The following PRICKLE1 variants were observed in gnomAD, a reference collection of about 807,000 sequenced individuals.
PRICKLE1 encodes the protein prickle-like protein 1.
Under a neutral mutation model 70.2 loss-of-function variants are expected in PRICKLE1, and 14 were observed. The observed-to-expected ratio is 0.20, with a 90% CI of 0.13 to 0.31. PRICKLE1 has a LOEUF of 0.31. Ranked by LOEUF, PRICKLE1 falls within the 10% of genes least tolerant of loss-of-function variation. The pLI is 1.00. For missense variants in PRICKLE1, 821 were observed against 1,026.2 expected, an observed-to-expected ratio of 0.80 and a Z score of 2.73; for synonymous variants, 357 against 379.9, an observed-to-expected ratio of 0.94 and a Z score of 0.70.
chr12:42,493,002 C>T (rs955448948), intron 1 of PRICKLE1, among the ~76,000 whole-genome samples: 6 of 152,062 alleles, frequency 3.9e-5, no homozygotes, highest in African/African-American at 9.7e-5. Context: ...CAGAATCTTG[C>T]GCATACTAAG....
At chr12:42,491,048 T>C (rs1362161428) in intron 1 of PRICKLE1, among the ~76,000 whole-genome samples, 2 of 150,976 alleles carry the variant, frequency 1.3e-5, no homozygotes, top group Admixed American at 1.3e-4. Flanking sequence ...CTACTTTTTC[T>C]ATCTTTAGGA....
At chr12:42,582,725 G>A (rs1940924030) in intron 1 of PRICKLE1, among the ~76,000 whole-genome samples, 1 of 152,134 alleles carries the variant, frequency 6.6e-6, no homozygotes, top group African/African-American at 2.4e-5. Context: ...ACGGACCGTG[G>A]GCCACATGCA....
rs568438224 is a variant in PRICKLE1 at position 42,459,407 on chromosome 12, A to C, written c.*402T>G. The C allele has an allele frequency of 1.6e-4, 112 of 701,508 alleles. 1 individual carries two copies. Among genetic ancestry groups the C allele is most frequent in the Non-Finnish European group, 2.7e-4 (103 of 384,668 alleles). The allele number at this position is 701,508 out of a possible 1,614,324, so 43.5% of individuals were successfully genotyped here. ...ATGCCTCACACCAAGACGGACTATC[A>C]AGACCTGAGCCGACCTGACTTACAT... On this transcript the variant is annotated 3_prime_UTR_variant, in exon 8 of 8. Transcript: ENST00000345127.
chr12:42,497,406 G>C (rs906894433), intron 1 of PRICKLE1, among the ~76,000 whole-genome samples: 1 of 152,080 alleles, frequency 6.6e-6, no homozygotes. Flanking sequence ...AAAATTAGCA[G>C]GGCGTGGTGG....
intron 1 of PRICKLE1, among the ~76,000 whole-genome samples, chr12:42,496,373 CACAG>C (rs1249283542): frequency 2.6e-5 from 4 of 152,086 alleles, no homozygotes; most frequent in Non-Finnish European, 5.9e-5. Flanking sequence ...CATTTAAGAC[CACAG>C]ACAGAGTAGA....
At chr12:42,543,517 C>T (rs1333830118) in intron 1 of PRICKLE1, among the ~76,000 whole-genome samples, 1 of 151,890 alleles carries the variant, frequency 6.6e-6, no homozygotes, top group African/African-American at 2.4e-5. Flanking sequence ...ACTTTTGACT[C>T]CTCAAAACTT....
chr12:42,505,079 C>T (rs1277981266), intron 1 of PRICKLE1, among the ~76,000 whole-genome samples: 2 of 152,168 alleles, frequency 1.3e-5, no homozygotes, highest in Non-Finnish European at 2.9e-5. Context: ...GTGGAGGTTG[C>T]AGTGAGCCTA....
intron 1 of PRICKLE1, among the ~76,000 whole-genome samples, chr12:42,548,947 C>G (rs1172982384): frequency 2.1e-5 from 3 of 142,836 alleles, no homozygotes; most frequent in African/African-American, 2.6e-5. Flanking sequence ...GTGGTGAAAC[C>G]CTGTCTCTAC....
At chr12:42,481,203 T>C (rs983761032) in intron 1 of PRICKLE1, among the ~76,000 whole-genome samples, 2 of 152,202 alleles carry the variant, frequency 1.3e-5, no homozygotes, top group African/African-American at 4.8e-5. Context: ...TGTAACTGTA[T>C]ATCAGGTCTG....
chr12:42,573,398 T>C (rs939798532), intron 1 of PRICKLE1, among the ~76,000 whole-genome samples: 5 of 152,162 alleles, frequency 3.3e-5, no homozygotes, highest in Non-Finnish European at 7.3e-5. Flanking sequence ...ATTGACTCTA[T>C]GTGGCCAACT....
In PRICKLE1 at chr12:42,464,739, G is replaced by C; in HGVS notation, c.1295C>G (p.Pro432Arg). 6.2e-7 allele frequency: 1 copy of C among 1,613,914 alleles called. No homozygotes were observed. Among genetic ancestry groups the C allele is most frequent in the Non-Finnish European group, 8.5e-7 (1 of 1,180,000 alleles). ...FGDKSLFQPQ[P>R]NEMDIRASEH... ...ACTGGCTCGAATATCCATCTCATTG[G>C]GCTGTGGCTGAAAGAGGCTTTTATC... is the stretch of plus-strand genomic sequence containing the variant. The change falls in exon 7 of 8, where the codon CCC becomes CGC. Residue 432 changes from proline (P) to arginine (R), a missense_variant. By Grantham distance (103) the Pro-to-Arg change is moderately radical. Transcript: ENST00000345127. The surrounding 1 kb of genome is among the most constrained non-coding windows in gnomAD (Gnocchi z 4.2).
rs1420784863 is a variant in PRICKLE1, at chr12:42,485,150, AT to A, written c.-48-12587del. On this transcript the variant is annotated intron_variant, in intron 1 of 7. Coordinates refer to ENST00000345127, the MANE Select transcript of PRICKLE1 (RefSeq NM_153026.3). The stretch of plus-strand genomic sequence containing the variant: ...CATTGTAACTGTGATTTAAAAATAC[AT>A]AAACAAGTTGCCATAAATAGATCAG... 5.3e-5 allele frequency among the ~76,000 whole-genome samples: 8 copies of A among 152,228 alleles called. No individual in the cohort carries two copies. In the East Asian group the frequency reaches 1.3e-3, roughly 26 times the overall value.
intron 1 of PRICKLE1, among the ~76,000 whole-genome samples, chr12:42,495,745 C>T (rs1025467637): frequency 3.3e-5 from 5 of 151,388 alleles, no homozygotes; most frequent in Non-Finnish European, 4.4e-5. Flanking sequence ...CGTGCCACCA[C>T]GCCCTGCTAA....
intron 1 of PRICKLE1, among the ~76,000 whole-genome samples, chr12:42,472,876 T>C (rs1472720697): frequency 6.6e-6 from 1 of 152,216 alleles, no homozygotes; most frequent in Non-Finnish European, 1.5e-5. Flanking sequence ...AAAGTTGATG[T>C]GTTGACTTTC....
At position 42,460,241 on chromosome 12, in the gene PRICKLE1, A is replaced by G. The variant is rs199893979; in HGVS notation, c.2064T>C (p.Asn688=). 1.3e-4 allele frequency: 217 copies of G among 1,613,992 alleles called. No homozygotes were observed. The highest frequency in any genetic ancestry group is 1.7e-4 in the Non-Finnish European group (196 of 1,180,032). Residue 688 remains asparagine (N), a synonymous_variant, in exon 8 of 8, where the codon AAT becomes AAC. Coordinates refer to ENST00000345127, the MANE Select transcript of PRICKLE1 (RefSeq NM_153026.3). ...GAGAGTATTTTCTTTCTGTAACAAG[A>G]TTCAGGGCATTGTCGGAGCGGGACT... ...SRKSRSDNAL[N]LVTERKYSPK... is the part of the protein sequence containing the mutation.
intron 1 of PRICKLE1, chr12:42,489,582 C>T (rs1007581737): frequency 2.1e-5 from 3 of 144,410 alleles, no homozygotes; most frequent in Non-Finnish European, 4.5e-5. Flanking sequence ...ATGGATTGAA[C>T]CCAGGAAGCA....
chr12:42,527,916 AATATATATAT>A (rs1163552624), intron 1 of PRICKLE1, among the ~76,000 whole-genome samples: 339 of 19,908 alleles, frequency 0.017, 7 homozygotes, highest in East Asian at 0.022. Flanking sequence ...TACTCTTTAT[AATATATATAT>A]ATATATATAT....
intron 1 of PRICKLE1, among the ~76,000 whole-genome samples, chr12:42,566,726 A>G (rs1482953745): frequency 6.6e-6 from 1 of 152,106 alleles, no homozygotes; most frequent in Admixed American, 6.5e-5. Flanking sequence ...CCATTCATCA[A>G]ACATTTTGTG....
intron 1 of PRICKLE1, among the ~76,000 whole-genome samples, chr12:42,540,087 A>G (rs1320329663): frequency 2.0e-5 from 3 of 152,196 alleles, no homozygotes; most frequent in South Asian, 2.1e-4. Flanking sequence ...TTTGTTTAAG[A>G]TGGTGTTTTT....
Sources: allele counts gnomAD v4.1 joint callset (sites outside exome capture counted in the v4.1 genomes callset), GRCh38; gene constraint gnomAD v4.1.1; non-coding constraint Gnocchi (gnomAD v3.1); transcripts MANE v1.5; gene names NCBI Gene and HGNC (gene_info 2026-07-23, HGNC 2026-07-21).